Variants in ACACB observed in about 807,000 individuals in gnomAD.
The protein encoded by ACACB is acetyl-CoA carboxylase 2.
A neutral mutation model predicts 278.8 loss-of-function variants in ACACB; 209 were observed. The observed-to-expected ratio is 0.75, with a 90% CI of 0.67 to 0.84. ACACB has a LOEUF of 0.84. Among genes scored for constraint, ACACB ranks in the 40% least tolerant of loss-of-function variants. ACACB has a pLI of 0.00. For synonymous variants in ACACB, 1,174 were observed against 1,285.6 expected, an observed-to-expected ratio of 0.91 and a Z score of 1.86; for missense variants, 2,850 against 3,269.0, an observed-to-expected ratio of 0.87 and a Z score of 3.13.
intron 4 of ACACB, among the ~76,000 whole-genome samples, chr12:109,169,215 A>G (rs2044025505): frequency 6.6e-6 from 1 of 151,382 alleles, no homozygotes; most frequent in Non-Finnish European, 1.5e-5. Context: ...GCTTCTCCTT[A>G]AAATGCATCA....
intron 3 of ACACB, 86 bp from the exon 4 acceptor site, chr12:109,167,810 C>G: frequency 6.2e-7 from 1 of 1,600,182 alleles, no homozygotes. Context: ...GGAGGCTCTG[C>G]AGCTGTGAGG....
intron 47 of ACACB, 196 bp from the exon 48 acceptor site, chr12:109,260,284 G>A: frequency 1.8e-6 from 2 of 1,128,142 alleles, no homozygotes; most frequent in Non-Finnish European, 1.3e-6. Flanking sequence ...GGCCACTGAG[G>A]CCCACACTGG....
rs1487736351 is a variant in ACACB at position 109,241,281 on chromosome 12, T to C, written c.5022T>C (p.Asn1674=). The C allele has an allele frequency of 6.2e-7, 1 of 1,613,946 alleles. No individual in the cohort carries two copies. Among genetic ancestry groups the C allele is most frequent in the Non-Finnish European group, 8.5e-7 (1 of 1,179,944 alleles). Residue 1674 remains asparagine, a splice_region_variant and synonymous_variant, in exon 36 of 53, where the codon AAT becomes AAC. Transcript: ENST00000338432. Reference sequence around the variant, plus strand: ...AAGTGACTGACTCCAGATCTGGAAATGTAAGGCTGGCCCGCGCCGTGGGGG... The same window carrying C: ...AAGTGACTGACTCCAGATCTGGAAACGTAAGGCTGGCCCGCGCCGTGGGGG... ...YKEVTDSRSG[N]IMFHSFGNKQ... is the part of the protein sequence containing the mutation.
At chr12:109,259,249 A>G in intron 47 of ACACB, 141 bp downstream of exon 47, 1 of 1,088,842 alleles carries the variant, frequency 9.2e-7, no homozygotes, top group Non-Finnish European at 1.3e-6. Context: ...AGGAGAAAAT[A>G]TTGTTCAGGT....
In ACACB at chr12:109,265,299, C is replaced by T. The variant is rs559171291; in HGVS notation, c.7113+19C>T. On this transcript the variant is annotated intron_variant, in intron 51 of 52. Coordinates refer to ENST00000338432, the MANE Select transcript of ACACB (RefSeq NM_001093.4). ...TGTCAAGGTGGGCCTGGGGTGAGAA[C>T]GAGGCCGGTGAGCACAGGGGGTGCT... The T allele has an allele frequency of 2.2e-5, 35 of 1,611,878 alleles. 1 individual carries two copies. The highest frequency in any genetic ancestry group is 8.8e-5 in the South Asian group (8 of 90,920).
intron 4 of ACACB, among the ~76,000 whole-genome samples, chr12:109,168,473 A>G (rs1021655254): frequency 2.0e-5 from 3 of 152,136 alleles, no homozygotes. Context: ...AGCCAAAGTG[A>G]CCTTTTAAAA....
chr12:109,191,986 T>C (rs2044909001), intron 15 of ACACB, 36 bp downstream of exon 15: 1 of 1,606,444 alleles, frequency 6.2e-7, no homozygotes, highest in Middle Eastern at 1.7e-4. Flanking sequence ...GCTTTTGTGA[T>C]ATGTGTTAGC....
chr12:109,258,861 G>A (rs1285177456), intron 46 of ACACB, 112 bp from the exon 47 acceptor site: 1 of 1,383,192 alleles, frequency 7.2e-7, no homozygotes, highest in Non-Finnish European at 1.0e-6. Context: ...CTGGTGCTGG[G>A]GCCAGCACAG....
At chr12:109,211,623 G>A (rs930084410) in intron 21 of ACACB, among the ~76,000 whole-genome samples, 2 of 152,134 alleles carry the variant, frequency 1.3e-5, no homozygotes, top group South Asian at 2.1e-4. Flanking sequence ...ATTAGTGGCC[G>A]CCAGGGGCTG....
At chr12:109,265,363 T>C (rs747181115) in intron 51 of ACACB, 26 bp from the exon 52 acceptor site, 16 of 1,612,656 alleles carry the variant, frequency 9.9e-6, no homozygotes, top group Non-Finnish European at 1.4e-5. Context: ...GGTCCCTCTC[T>C]GAGGCATCCT....
intron 10 of ACACB, 54 bp downstream of exon 10, chr12:109,179,351 A>G: frequency 6.4e-7 from 1 of 1,556,786 alleles, no homozygotes; most frequent in Non-Finnish European, 8.7e-7. Flanking sequence ...CTCAGCTCAG[A>G]GTCAGGAAGA....
At chr12:109,124,889 T>C (rs904027932) in intron 1 of ACACB, among the ~76,000 whole-genome samples, 1 of 152,244 alleles carries the variant, frequency 6.6e-6, no homozygotes, top group African/African-American at 2.4e-5. Flanking sequence ...TAATTTTATG[T>C]ATTTTTGATA....
At chr12:109,207,507 C>T (rs548011329) in intron 20 of ACACB, among the ~76,000 whole-genome samples, 25 of 152,318 alleles carry the variant, frequency 1.6e-4, no homozygotes, top group African/African-American at 5.8e-4. Flanking sequence ...TCTGCTCACT[C>T]AGTAGAGAAA....
intron 37 of ACACB, among the ~76,000 whole-genome samples, chr12:109,243,881 A>G (rs1271043084): frequency 1.5e-5 from 2 of 136,142 alleles, no homozygotes; most frequent in Non-Finnish European, 3.3e-5. Context: ...ATGACATTAT[A>G]TATATATATA....
At position 109,258,404 on chromosome 12, in the gene ACACB, G is replaced by A. The variant is rs181739904; in HGVS notation, c.6360+40G>A. The stretch of plus-strand genomic sequence containing the variant: ...AGCTGTGGCTGCTGGTTTAGCCAGC[G>A]GTACTGTCGAGAGTGGGTCCTGGGC... On this transcript the variant is annotated intron_variant, in intron 46 of 52. Coordinates refer to ENST00000338432, the MANE Select transcript of ACACB (RefSeq NM_001093.4). 3.8e-4 allele frequency: 592 copies of A among 1,550,798 alleles called. 3 individuals are homozygous for A. The African/African-American group carries it at 5.9e-3, about 15-fold the overall frequency.
In ACACB at chr12:109,223,984, G is replaced by C. The variant is rs927302075; in HGVS notation, c.3882+80G>C. ...TGCCGCTACCATGCACCTGACCCTA[G>C]GCCACATGCCTTGGTGAATGTGATC... is the stretch of plus-strand genomic sequence containing the variant. On this transcript the variant is annotated intron_variant, in intron 27 of 52. Coordinates refer to ENST00000338432, the MANE Select transcript of ACACB (RefSeq NM_001093.4). 6 of 1,177,674 alleles carry C rather than the reference G, an allele frequency of 5.1e-6. No individual in the cohort carries two copies. The Admixed American group carries it at 1.0e-4, about 20-fold the overall frequency. The allele number at this position is 1,177,674 out of a possible 1,614,324, so 73.0% of individuals were successfully genotyped here.
intron 45 of ACACB, among the ~76,000 whole-genome samples, chr12:109,256,557 T>C (rs1417691425): frequency 6.6e-6 from 1 of 152,208 alleles, no homozygotes; most frequent in Non-Finnish European, 1.5e-5. Flanking sequence ...AATTCCATCT[T>C]AGGAGAGCCA....
chr12:109,151,019 CT>C (rs1329904177), intron 2 of ACACB, among the ~76,000 whole-genome samples: 1 of 141,356 alleles, frequency 7.1e-6, no homozygotes, highest in East Asian at 2.1e-4. Flanking sequence ...CGCTCTGTAG[CT>C]CAGGCTGGAG....
chr12:109,258,940 G>C, intron 46 of ACACB, 33 bp from the exon 47 acceptor site: 1 of 1,611,742 alleles, frequency 6.2e-7, no homozygotes, highest in Non-Finnish European at 8.5e-7. Context: ...TGGTTGTGCA[G>C]AGACATCTGA....
Sources: allele counts gnomAD v4.1 joint callset (sites outside exome capture counted in the v4.1 genomes callset), GRCh38; gene constraint gnomAD v4.1.1; transcripts MANE v1.5; gene names NCBI Gene and HGNC (gene_info 2026-07-23, HGNC 2026-07-21).